The following SCN2A variants were observed in gnomAD, a reference collection of about 807,000 sequenced individuals.
SCN2A encodes the protein sodium voltage-gated channel alpha subunit 2.
In SCN2A, 20 loss-of-function variants were observed where a neutral mutation model predicts 188.7. The observed-to-expected ratio is 0.11, with a 90% confidence interval of 0.07 to 0.15. The LOEUF (loss-of-function observed/expected upper bound fraction) is 0.15. SCN2A is among the 10% of genes least tolerant of loss of function. The pLI, the probability that SCN2A is intolerant of heterozygous loss-of-function variation, is 1.00. For missense variants in SCN2A, 1,278 were observed against 2,445.0 expected (o/e 0.52, Z 10.07); for synonymous variants, 804 against 833.1 (o/e 0.97, Z 0.60).
chr2:165,367,687 T>A (rs1030735980), intron 19 of SCN2A, among the ~76,000 whole-genome samples: 4 of 152,250 alleles, frequency 2.6e-5, no homozygotes, highest in African/African-American at 4.8e-5. Context: ...GATTATCAGC[T>A]AAATATCAGA....
At chr2:165,310,262 T>C in intron 6 of SCN2A, 61 bp from the exon 7 acceptor site, 1 of 1,547,518 alleles carries the variant, frequency 6.5e-7, no homozygotes. Context: ...CATGATATTT[T>C]TGCCGGTAAA....
At chr2:165,299,421 G>A (rs1444944770) in intron 3 of SCN2A, among the ~76,000 whole-genome samples, 2 of 152,216 alleles carry the variant, frequency 1.3e-5, no homozygotes, top group African/African-American at 4.8e-5. Context: ...TTGATTCTCT[G>A]AGAAGTTTAC....
At position 165,285,999 on chromosome 2, in the gene SCN2A, T is replaced by G. The variant is rs146544607; in HGVS notation, c.-51-9774T>G. The G allele has an allele frequency of 1.7e-4, 34 of 204,912 alleles. No homozygotes were observed. In the East Asian group the frequency reaches 3.8e-3, roughly 23 times the overall value. 12.7% of individuals were successfully genotyped at this position (204,912 alleles called of 1,614,324 possible). The stretch of plus-strand genomic sequence containing the variant: ...ATGCTCTGTGCCACAGATGAAGACT[T>G]CGTGATATCCGATGAAAGGGGCCCA... On this transcript the variant is annotated intron_variant, in intron 1 of 26. Coordinates refer to ENST00000375437, the MANE Select transcript of SCN2A (RefSeq NM_001040142.2).
intron 16 of SCN2A, among the ~76,000 whole-genome samples, chr2:165,349,123 T>G (rs891943134): frequency 2.0e-5 from 3 of 152,198 alleles, no homozygotes; most frequent in African/African-American, 7.2e-5. Flanking sequence ...GAAAAGATAA[T>G]ATAATTATGT....
intron 1 of SCN2A, among the ~76,000 whole-genome samples, chr2:165,295,207 C>T (rs1696441864): frequency 6.6e-6 from 1 of 152,266 alleles, no homozygotes; most frequent in Non-Finnish European, 1.5e-5. Flanking sequence ...CAGGATCTAC[C>T]TATGTTTCCA....
intron 1 of SCN2A, chr2:165,268,018 A>T (rs1347569197): frequency 6.6e-6 from 1 of 152,110 alleles, no homozygotes; most frequent in East Asian, 1.9e-4. Context: ...ATTAGCCATC[A>T]TAGAAAACAA....
intron 22 of SCN2A, among the ~76,000 whole-genome samples, chr2:165,376,537 G>C (rs1701322128): frequency 6.6e-6 from 1 of 151,784 alleles, no homozygotes; most frequent in Admixed American, 6.6e-5. Context: ...TCTGCCCCAC[G>C]CTGGAAACAT....
In SCN2A at chr2:165,310,348, G is replaced by A. The variant is rs745996336; in HGVS notation, c.723G>A (p.Leu241=). 4 of 1,613,570 alleles carry A rather than the reference G, an allele frequency of 2.5e-6. No individual in the cohort carries two copies. In the South Asian group the frequency reaches 3.3e-5, roughly 13 times the overall value. ...GCCTGAAGACCATTGTGGGGGCCCT[G>A]ATCCAGTCAGTGAAGAAGCTTTCTG... ...IPGLKTIVGA[L]IQSVKKLSDV... The change falls in exon 7 of 27, where the codon CTG becomes CTA. Residue 241 remains leucine (L), a synonymous_variant. Transcript: ENST00000375437.
chr2:165,280,921 A>G (rs1159877497), intron 1 of SCN2A, among the ~76,000 whole-genome samples: 1 of 152,216 alleles, frequency 6.6e-6, no homozygotes, highest in Non-Finnish European at 1.5e-5. Context: ...ATAAATAATT[A>G]TTAATAAGTT....
In SCN2A at chr2:165,331,321, T is replaced by C. The variant is rs979249844; in HGVS notation, c.2150-9T>C. Reference sequence around the variant, plus strand: ...GTTTTCATGAGGATTCTAACTTTTTTTCTTCCAGAACTTGAAGAATCCAGA... The same window carrying C: ...GTTTTCATGAGGATTCTAACTTTTTCTCTTCCAGAACTTGAAGAATCCAGA... On this transcript the variant is annotated splice_polypyrimidine_tract_variant and intron_variant, in intron 13 of 26. Transcript: ENST00000375437. The C allele has an allele frequency of 1.9e-6, 3 of 1,605,474 alleles. No individual in the cohort carries two copies. Among genetic ancestry groups the C allele is most frequent in the African/African-American group, 2.7e-5 (2 of 74,714 alleles).
At chr2:165,305,449 G>A (rs1697068062) in intron 3 of SCN2A, among the ~76,000 whole-genome samples, 1 of 152,178 alleles carries the variant, frequency 6.6e-6, no homozygotes, top group South Asian at 2.1e-4. Context: ...AATGTTTGTT[G>A]ATGGACTACA....
chr2:165,281,369 G>C (rs1191571690), intron 1 of SCN2A, among the ~76,000 whole-genome samples: 1 of 151,992 alleles, frequency 6.6e-6, no homozygotes, highest in Non-Finnish European at 1.5e-5. Flanking sequence ...GCATCACTGG[G>C]AAGGTCCTAT....
intron 11 of SCN2A, among the ~76,000 whole-genome samples, chr2:165,321,569 C>T (rs1559361202): frequency 6.6e-6 from 1 of 152,180 alleles, no homozygotes; most frequent in Non-Finnish European, 1.5e-5. Context: ...GGGGAAGCCT[C>T]ACAATCATGG....
chr2:165,302,721 C>CCCA (rs1696886812), intron 3 of SCN2A, among the ~76,000 whole-genome samples: 1 of 152,088 alleles, frequency 6.6e-6, no homozygotes, highest in South Asian at 2.1e-4. Flanking sequence ...ATGTATCTGA[C>CCCA]CATGGTTCAT....
At chr2:165,261,270 A>G (rs1574457996) in intron 1 of SCN2A, among the ~76,000 whole-genome samples, 1 of 152,338 alleles carries the variant, frequency 6.6e-6, no homozygotes, top group East Asian at 1.9e-4. Flanking sequence ...TCTCAATTTT[A>G]TCTTTTGTAG....
chr2:165,291,470 C>CTT (rs1417693758), intron 1 of SCN2A, among the ~76,000 whole-genome samples: 1 of 40,042 alleles, frequency 2.5e-5, no homozygotes, highest in African/African-American at 8.0e-5. Context: ...TTCTTTCTTT[C>CTT]TTTCTTTCTT....
chr2:165,348,573 G>T (rs1699728494), intron 16 of SCN2A, among the ~76,000 whole-genome samples: 1 of 152,066 alleles, frequency 6.6e-6, no homozygotes, highest in African/African-American at 2.4e-5. Context: ...GTACAATCTA[G>T]AATTATAAAC....
chr2:165,326,999 C>G lies in SCN2A; in HGVS notation c.2149+15C>G. ...CACCATGGAAGGTATGTTAAAAGTC[C>G]TGCGTCACAGTTACTTGGTGCTTTG... On this transcript the variant is annotated intron_variant, in intron 13 of 26. Transcript: ENST00000375437. The G allele has an allele frequency of 6.2e-7, 1 of 1,613,706 alleles. No homozygotes were observed.
At chr2:165,300,834 A>G (rs186405751) in intron 3 of SCN2A, among the ~76,000 whole-genome samples, 16 of 152,264 alleles carry the variant, frequency 1.1e-4, no homozygotes, top group Non-Finnish European at 1.9e-4. Context: ...GCAGGATATC[A>G]TGACTTGACT....
Sources: allele counts gnomAD v4.1 joint callset (sites outside exome capture counted in the v4.1 genomes callset), GRCh38; gene constraint gnomAD v4.1.1; transcripts MANE v1.5; gene names NCBI Gene and HGNC (gene_info 2026-07-23, HGNC 2026-07-21).